The following DLGAP2 variants were observed in gnomAD, a reference collection of about 807,000 sequenced individuals.
DLGAP2 encodes DLG associated protein 2, also known as disks large-associated protein 2.
A neutral mutation model predicts 100.3 loss-of-function variants in DLGAP2; 26 were observed. That is an observed-to-expected ratio of 0.26 (90% CI 0.19 to 0.36). The LOEUF is 0.36. Among genes scored for constraint, DLGAP2 ranks in the 10% least tolerant of loss-of-function variants. DLGAP2 has a pLI of 1.00. For missense variants in DLGAP2, 1,858 were observed against 1,453.2 expected (o/e 1.28, Z -4.53); for synonymous variants, 886 against 630.1 (o/e 1.41, Z -6.08).
intron 9 of DLGAP2, 78 bp downstream of exon 9, chr8:1,668,756 C>T (rs1585047725): frequency 3.8e-6 from 5 of 1,311,842 alleles, no homozygotes; most frequent in Non-Finnish European, 5.1e-6. Context: ...AAAACCCAAC[C>T]AGCGGCCCTG....
At chr8:1,414,245 C>T (rs1220804491) in intron 3 of DLGAP2, among the ~76,000 whole-genome samples, 1 of 152,192 alleles carries the variant, frequency 6.6e-6, no homozygotes, top group African/African-American at 2.4e-5. Flanking sequence ...CAGGGGTGTT[C>T]TGTGGACTCT....
chr8:1,410,704 C>T (rs116829079), intron 3 of DLGAP2, among the ~76,000 whole-genome samples: 329 of 152,326 alleles, frequency 2.2e-3, no homozygotes, highest in African/African-American at 6.4e-3. Context: ...CATGGGCCTG[C>T]GTCAAACCCC....
rs564912839 is a variant in DLGAP2, at chr8:1,598,365, G to T, written c.1443-28375G>T. Among the ~76,000 whole-genome samples, 8 of 152,270 alleles carry T rather than the reference G, an allele frequency of 5.3e-5. No individual in the cohort carries two copies. The East Asian group carries it at 1.5e-3, about 29-fold the overall frequency. Reference sequence around the variant, plus strand: ...CTCTGCCAGGTTGTGGTATCAGGATGATGCTGGCCTCATAAAATGAGTTAG... The same window carrying T: ...CTCTGCCAGGTTGTGGTATCAGGATTATGCTGGCCTCATAAAATGAGTTAG... On this transcript the variant is annotated intron_variant, in intron 6 of 14. Transcript: ENST00000637795.
At chr8:1,267,180 C>G (rs1046695764) in intron 3 of DLGAP2, among the ~76,000 whole-genome samples, 4 of 151,062 alleles carry the variant, frequency 2.6e-5, no homozygotes, top group Non-Finnish European at 4.4e-5. Flanking sequence ...TGCAGTGAGC[C>G]AAGATTGCAC....
chr8:1,507,807 T>TCCCC, intron 4 of DLGAP2, among the ~76,000 whole-genome samples: 1 of 48,504 alleles, frequency 2.1e-5, no homozygotes, highest in African/African-American at 5.7e-5. Flanking sequence ...CCACCCTCCC[T>TCCCC]CCACCCACCA....
intron 14 of DLGAP2, among the ~76,000 whole-genome samples, chr8:1,698,818 C>T (rs1799486919): frequency 6.9e-6 from 1 of 145,894 alleles, no homozygotes. Flanking sequence ...GGCAGGTCCA[C>T]ATAAGCCATG....
chr8:1,381,722 C>G (rs909823684), intron 3 of DLGAP2, among the ~76,000 whole-genome samples: 2 of 151,992 alleles, frequency 1.3e-5, no homozygotes, highest in African/African-American at 4.8e-5. Context: ...TGTCCTCCAG[C>G]TCCATCGCGT....
chr8:1,565,535 G>A, intron 5 of DLGAP2, 148 bp from the exon 6 acceptor site: 1 of 637,586 alleles, frequency 1.6e-6, no homozygotes, highest in Non-Finnish European at 2.7e-6. Context: ...TTTAGGATAT[G>A]CATTTTTATA....
intron 1 of DLGAP2, among the ~76,000 whole-genome samples, chr8:823,427 C>G (rs889654184): frequency 2.0e-5 from 3 of 152,116 alleles, no homozygotes; most frequent in Non-Finnish European, 4.4e-5. Flanking sequence ...TAGCAAGGGG[C>G]AATTGCTTAT....
intron 2 of DLGAP2, among the ~76,000 whole-genome samples, chr8:1,012,166 C>T (rs151234594): frequency 2.6e-4 from 40 of 152,286 alleles, no homozygotes; most frequent in Non-Finnish European, 5.3e-4. Context: ...TGATTTTCTC[C>T]TTGAAGTTCT....
At position 819,772 on chromosome 8, in the gene DLGAP2, G is replaced by T. The variant is rs917652530; in HGVS notation, c.18+81947G>T. Among the ~76,000 whole-genome samples the T allele has an allele frequency of 2.2e-4, 34 of 152,302 alleles. 1 individual carries two copies. The highest frequency in any genetic ancestry group is 7.9e-4 in the African/African-American group (33 of 41,548). On this transcript the variant is annotated intron_variant, in intron 1 of 14. Coordinates refer to ENST00000637795, the MANE Select transcript of DLGAP2 (RefSeq NM_001346810.2). ...GGAAAAACAATGAAACACCTGGGAG[G>T]TACGTAAAACATCATCAAGTACTTG... is the stretch of plus-strand genomic sequence containing the variant.
rs1801095257 is a variant in DLGAP2, at chr8:1,005,926, C to T, written c.73+97960C>T. On this transcript the variant is annotated intron_variant, in intron 2 of 14. Coordinates refer to ENST00000637795, the MANE Select transcript of DLGAP2 (RefSeq NM_001346810.2). The stretch of plus-strand genomic sequence containing the variant: ...TGAGGGAGATCAAAGAAATCTCACA[C>T]CCTGGTCTGGCGCGGTGGCTCACGT... Among the ~76,000 whole-genome samples the T allele has an allele frequency of 3.9e-5, 6 of 152,266 alleles. No individual in the cohort carries two copies. In the South Asian group the frequency reaches 1.2e-3, roughly 32 times the overall value.
chr8:1,048,829 A>G (rs1195193348), intron 2 of DLGAP2, among the ~76,000 whole-genome samples: 2 of 151,996 alleles, frequency 1.3e-5, no homozygotes, highest in African/African-American at 4.8e-5. Context: ...AGTAGCCGGG[A>G]TTGCATATTC....
At chr8:1,539,050 T>A (rs1483931018) in intron 4 of DLGAP2, among the ~76,000 whole-genome samples, 1 of 152,068 alleles carries the variant, frequency 6.6e-6, no homozygotes, top group Non-Finnish European at 1.5e-5. Context: ...CACGCCTGAC[T>A]AATTTTTGTA....
At chr8:1,238,728 T>C (rs1798721800) in intron 2 of DLGAP2, among the ~76,000 whole-genome samples, 1 of 95,608 alleles carries the variant, frequency 1.0e-5, no homozygotes, top group Admixed American at 1.0e-4. Flanking sequence ...TCTAGTTCTC[T>C]CACATGGCGC....
chr8:1,630,563 A>C (rs1001547981), intron 7 of DLGAP2, among the ~76,000 whole-genome samples: 1 of 152,096 alleles, frequency 6.6e-6, no homozygotes, highest in African/African-American at 2.4e-5. Context: ...TTAGCTGGGC[A>C]TGGTAGCGGG....
intron 1 of DLGAP2, among the ~76,000 whole-genome samples, chr8:893,387 G>A (rs1274595997): frequency 6.6e-6 from 1 of 152,252 alleles, no homozygotes; most frequent in Non-Finnish European, 1.5e-5. Context: ...AGGCTGCCCT[G>A]TGATTCATCT....
intron 2 of DLGAP2, among the ~76,000 whole-genome samples, chr8:1,182,177 G>A (rs917427233): frequency 6.6e-6 from 1 of 152,240 alleles, no homozygotes; most frequent in Non-Finnish European, 1.5e-5. Flanking sequence ...TTTGCACGGG[G>A]CATCTCAGTC....
At position 958,307 on chromosome 8, in the gene DLGAP2, T is replaced by A. The variant is rs1282996876; in HGVS notation, c.73+50341T>A. 2.0e-5 allele frequency among the ~76,000 whole-genome samples: 3 copies of A among 152,148 alleles called. No homozygotes were observed. The East Asian group carries it at 5.8e-4, about 29-fold the overall frequency. On this transcript the variant is annotated intron_variant, in intron 2 of 14. Transcript: ENST00000637795. ...CGATCCATTCATCTATTGATGGGCA[T>A]TTGGGCCATTTCTGCCTTTGGCTGT...
Sources: allele counts gnomAD v4.1 joint callset (sites outside exome capture counted in the v4.1 genomes callset), GRCh38; gene constraint gnomAD v4.1.1; transcripts MANE v1.5; gene names NCBI Gene and HGNC (gene_info 2026-07-23, HGNC 2026-07-21).